DCLK2: variants seen among roughly 807,000 people sequenced by gnomAD.
DCLK2 encodes serine/threonine-protein kinase DCLK2.
DCLK2 carries 31 observed loss-of-function variants against 78.4 expected under a neutral mutation model. The ratio of observed to expected loss-of-function variants is 0.40; its 90% CI spans 0.30 to 0.53. The LOEUF (loss-of-function observed/expected upper bound fraction) is 0.53. Ranked by LOEUF, DCLK2 falls within the 20% of genes least tolerant of loss-of-function variation. The pLI, the probability that DCLK2 is intolerant of heterozygous loss-of-function variation, is 0.61. For synonymous variants in DCLK2, 407 were observed against 374.9 expected, an observed-to-expected ratio of 1.09 and a Z score of -0.99; for missense variants, 872 against 973.7, an observed-to-expected ratio of 0.90 and a Z score of 1.39.
intron 15 of DCLK2, among the ~76,000 whole-genome samples, chr4:150,250,654 C>T (rs1459384139): frequency 6.6e-6 from 1 of 151,762 alleles, no homozygotes; most frequent in African/African-American, 2.4e-5. Flanking sequence ...GTCCTGACAG[C>T]TAAGGATGGG....
Position 150,171,487 on chromosome 4 carries a change from A to G in DCLK2, c.757-21651A>G, listed in dbSNP as rs1009572219. ...CAGAGCGAGACTCCGTCTCAAAAAA[A>G]AAATTAATTTTAGTTGACTAAGTTC... is the stretch of plus-strand genomic sequence containing the variant. On this transcript the variant is annotated intron_variant, in intron 2 of 15. Transcript: ENST00000296550. Among the ~76,000 whole-genome samples the G allele has an allele frequency of 2.0e-5, 3 of 152,274 alleles. No individual in the cohort carries two copies. In the East Asian group the frequency reaches 5.8e-4, roughly 29 times the overall value.
intron 5 of DCLK2, among the ~76,000 whole-genome samples, chr4:150,212,279 C>G (rs1178266230): frequency 6.6e-6 from 1 of 152,110 alleles, no homozygotes; most frequent in Non-Finnish European, 1.5e-5. Context: ...AAAGATTTTC[C>G]AGATTTGTGA....
chr4:150,226,233 T>TG (rs1164486838), intron 8 of DCLK2, among the ~76,000 whole-genome samples: 1 of 151,742 alleles, frequency 6.6e-6, no homozygotes, highest in Non-Finnish European at 1.5e-5. Flanking sequence ...TACTTTTTTT[T>TG]TTTTTTTTAA....
chr4:150,091,902 C>T (rs11931287), intron 1 of DCLK2, among the ~76,000 whole-genome samples: 68,083 of 151,564 alleles, frequency 0.45, 15,769 homozygotes, highest in Non-Finnish European at 0.52. Context: ...GTTGTACAGC[C>T]GATCTCCAGA....
At chr4:150,231,530 G>A (rs1375774336) in intron 8 of DCLK2, among the ~76,000 whole-genome samples, 3 of 152,172 alleles carry the variant, frequency 2.0e-5, no homozygotes, top group Non-Finnish European at 4.4e-5. Context: ...ATGTTGAGAG[G>A]TCTTAATGTC....
At chr4:150,135,668 A>C (rs935432429) in intron 2 of DCLK2, among the ~76,000 whole-genome samples, 1 of 152,236 alleles carries the variant, frequency 6.6e-6, no homozygotes, top group Non-Finnish European at 1.5e-5. Context: ...GGATTTGCTC[A>C]TCTGTCTCAC....
intron 1 of DCLK2, among the ~76,000 whole-genome samples, chr4:150,100,656 A>T (rs1730822797): frequency 6.6e-6 from 1 of 152,222 alleles, no homozygotes; most frequent in Non-Finnish European, 1.5e-5. Flanking sequence ...TGTGAGAGTT[A>T]CTTTCTCTAT....
intron 2 of DCLK2, among the ~76,000 whole-genome samples, chr4:150,177,320 G>A (rs1333123146): frequency 6.6e-6 from 1 of 151,952 alleles, no homozygotes; most frequent in Non-Finnish European, 1.5e-5. Flanking sequence ...CCGAGTTGAT[G>A]CTCCTTTTGG....
chr4:150,245,795 T>C (rs1354832600), intron 12 of DCLK2, among the ~76,000 whole-genome samples: 1 of 152,176 alleles, frequency 6.6e-6, no homozygotes, highest in South Asian at 2.1e-4. Context: ...AGGAACACTT[T>C]TACACTGTTG....
chr4:150,179,588 G>A (rs1176869336), intron 2 of DCLK2, among the ~76,000 whole-genome samples: 1 of 152,076 alleles, frequency 6.6e-6, no homozygotes, highest in Admixed American at 6.6e-5. Context: ...CACCAAAAGG[G>A]TTGACTAATC....
chr4:150,222,233 G>C (rs1741241383), intron 7 of DCLK2, among the ~76,000 whole-genome samples: 1 of 152,066 alleles, frequency 6.6e-6, no homozygotes, highest in Non-Finnish European at 1.5e-5. Flanking sequence ...GGAATTACAG[G>C]CATGAGTGAC....
intron 2 of DCLK2, among the ~76,000 whole-genome samples, chr4:150,118,082 G>A (rs1266605478): frequency 1.3e-5 from 2 of 152,090 alleles, no homozygotes; most frequent in African/African-American, 4.8e-5. Flanking sequence ...TCCCCAGGAA[G>A]TGTGATTCTG....
At chr4:150,110,223 A>G (rs1731571273) in intron 2 of DCLK2, among the ~76,000 whole-genome samples, 1 of 152,188 alleles carries the variant, frequency 6.6e-6, no homozygotes, top group African/African-American at 2.4e-5. Flanking sequence ...TCAATTATTC[A>G]TTTGATGTCT....
rs1011440513 is a variant in DCLK2, at chr4:150,244,099, AGTT to A, written c.1779-3499_1779-3497del. On this transcript the variant is annotated intron_variant, in intron 12 of 15. Coordinates refer to ENST00000296550, the MANE Select transcript of DCLK2 (RefSeq NM_001040260.4). ...CATGTGTGCACCACTATATTGCACT[AGTT>A]GTTGAAGTTTTTCGTTGAGATGGGG... Among the ~76,000 whole-genome samples the A allele has an allele frequency of 4.0e-5, 6 of 151,778 alleles. 1 individual carries two copies. Among genetic ancestry groups the A allele is most frequent in the Admixed American group, 3.3e-4 (5 of 15,230 alleles).
At chr4:150,132,641 G>A (rs1338159276) in intron 2 of DCLK2, among the ~76,000 whole-genome samples, 1 of 152,192 alleles carries the variant, frequency 6.6e-6, no homozygotes, top group African/African-American at 2.4e-5. Flanking sequence ...CTTGGGTGCA[G>A]TGTCACCATC....
At chr4:150,179,952 TA>T (rs10716549) in intron 2 of DCLK2, among the ~76,000 whole-genome samples, 137,553 of 151,976 alleles carry the variant, frequency 0.91, 62,349 homozygotes, top group Middle Eastern at 0.93. Flanking sequence ...AGTTGATCCT[TA>T]AAAAAAAATC....
intron 1 of DCLK2, among the ~76,000 whole-genome samples, chr4:150,101,414 C>T (rs541547282): frequency 1.6e-4 from 24 of 152,024 alleles, no homozygotes; most frequent in East Asian, 1.3e-3. Context: ...AGGTTTTTCT[C>T]GGGAATTCTC....
chr4:150,134,772 A>G (rs1446736962), intron 2 of DCLK2, among the ~76,000 whole-genome samples: 3 of 152,178 alleles, frequency 2.0e-5, no homozygotes, highest in Non-Finnish European at 4.4e-5. Context: ...TATTTGGACT[A>G]AAGTTTTGGT....
rs187286392 is a variant in DCLK2 at position 150,095,541 on chromosome 4, C to T, written c.422-6937C>T. On this transcript the variant is annotated intron_variant, in intron 1 of 15. Coordinates refer to ENST00000296550, the MANE Select transcript of DCLK2 (RefSeq NM_001040260.4). ...CCTTTCTCTTGTTGGACATGTGGGC[C>T]GACTCTGATCTTTGGCTGTTGAGCA... Among the ~76,000 whole-genome samples the T allele has an allele frequency of 2.8e-3, 428 of 152,160 alleles. 3 individuals are homozygous for T. Among genetic ancestry groups the T allele is most frequent in the African/African-American group, 9.0e-3 (374 of 41,516 alleles).
Sources: allele counts gnomAD v4.1 joint callset (sites outside exome capture counted in the v4.1 genomes callset), GRCh38; gene constraint gnomAD v4.1.1; transcripts MANE v1.5; gene names NCBI Gene and HGNC (gene_info 2026-07-23, HGNC 2026-07-21).